NEK1: variants seen among roughly 807,000 people sequenced by gnomAD.
NEK1 encodes the protein serine/threonine-protein kinase Nek1.
Under a neutral mutation model 182.1 loss-of-function variants are expected in NEK1, and 137 were observed. The ratio of observed to expected loss-of-function variants is 0.75; its 90% CI spans 0.65 to 0.87. The LOEUF (loss-of-function observed/expected upper bound fraction) is 0.87, where lower values mean the gene tolerates loss of function less well. Among genes scored for constraint, NEK1 ranks in the 40% least tolerant of loss-of-function variants. NEK1 has a pLI of 0.00. For missense variants in NEK1, 1,391 were observed against 1,494.4 expected, an observed-to-expected ratio of 0.93 and a Z score of 1.14; for synonymous variants, 513 against 492.2, an observed-to-expected ratio of 1.04 and a Z score of -0.56.
chr4:169,467,993 G>C (rs1233287157), intron 26 of NEK1, among the ~76,000 whole-genome samples: 1 of 151,292 alleles, frequency 6.6e-6, no homozygotes, highest in Non-Finnish European at 1.5e-5. Flanking sequence ...AGATTAAGAG[G>C]AAAAAAAAGG....
At chr4:169,587,421 G>T in intron 9 of NEK1, 138 bp downstream of exon 9, 1 of 492,200 alleles carries the variant, frequency 2.0e-6, no homozygotes, top group Non-Finnish European at 3.6e-6. Flanking sequence ...CAGAAAAAAT[G>T]AGAAATTCAA....
rs1443436950 is a variant in NEK1 at position 169,477,416 on chromosome 4, T to A, written c.2205+16A>T. On this transcript the variant is annotated intron_variant, in intron 25 of 35. Coordinates refer to ENST00000507142, the MANE Select transcript of NEK1 (RefSeq NM_001199397.3). Reference sequence around the variant, plus strand: ...ATTAAGTAAAATGATTGATAAACTTTGAAAATTTTACTTACTGAAATAGCA... The same window carrying A: ...ATTAAGTAAAATGATTGATAAACTTAGAAAATTTTACTTACTGAAATAGCA... 6.3e-7 allele frequency: 1 copy of A among 1,593,244 alleles called. No homozygotes were observed. The highest frequency in any genetic ancestry group is 8.6e-7 in the Non-Finnish European group (1 of 1,169,510).
At chr4:169,469,488 T>C (rs1318099634) in intron 26 of NEK1, among the ~76,000 whole-genome samples, 3 of 152,184 alleles carry the variant, frequency 2.0e-5, no homozygotes, top group African/African-American at 4.8e-5. Context: ...GAGAGACCGT[T>C]TGTTATGATT....
chr4:169,514,448 G>A (rs1214527582), intron 19 of NEK1, among the ~76,000 whole-genome samples: 1 of 152,122 alleles, frequency 6.6e-6, no homozygotes, highest in African/African-American at 2.4e-5. Context: ...TATCAAATTG[G>A]TGTTAATTCT....
At chr4:169,540,443 C>G (rs1759218422) in intron 18 of NEK1, among the ~76,000 whole-genome samples, 1 of 152,026 alleles carries the variant, frequency 6.6e-6, no homozygotes, top group Non-Finnish European at 1.5e-5. Context: ...CAAAAATAGT[C>G]CATAACCCAC....
In NEK1 at chr4:169,438,241, T is replaced by TC. The variant is rs1372726010; in HGVS notation, c.2605dup (p.Glu869GlyfsTer19). 1 of 1,548,172 alleles carries TC rather than the reference T, an allele frequency of 6.5e-7. No individual in the cohort carries two copies. The highest frequency in any genetic ancestry group is 1.4e-5 in the African/African-American group (1 of 73,176). On this transcript the variant is annotated frameshift_variant, in exon 28 of 36. Transcript: ENST00000507142. LOFTEE classifies it high-confidence loss of function. ...TCCAGTAATTAAGGGTTTGTACTTT[T>TC]CCCCTTCGGGAGAAATCTCTGTGAA...
intron 23 of NEK1, among the ~76,000 whole-genome samples, chr4:169,497,209 T>A (rs1191219838): frequency 3.3e-5 from 5 of 152,230 alleles, no homozygotes; most frequent in Non-Finnish European, 5.9e-5. Flanking sequence ...TTTATAGTAT[T>A]CTCTGATGGT....
intron 16 of NEK1, among the ~76,000 whole-genome samples, chr4:169,558,448 C>A (rs1011207537): frequency 1.3e-5 from 2 of 152,206 alleles, no homozygotes; most frequent in African/African-American, 2.4e-5. Flanking sequence ...CTCGCACTGT[C>A]AGCAACCACT....
At chr4:169,555,564 C>T in intron 18 of NEK1, 156 bp downstream of exon 18, 1 of 875,348 alleles carries the variant, frequency 1.1e-6, no homozygotes, top group East Asian at 2.6e-5. Context: ...TAATCAAGGG[C>T]CAAATTTGCA....
intron 27 of NEK1, among the ~76,000 whole-genome samples, chr4:169,449,409 C>A (rs1741271319): frequency 6.6e-6 from 1 of 152,174 alleles, no homozygotes; most frequent in Non-Finnish European, 1.5e-5. Flanking sequence ...CCAGTAGGGG[C>A]TGACTGACAC....
At chr4:169,491,136 CAAAAAAAA>C (rs70964208) in intron 23 of NEK1, among the ~76,000 whole-genome samples, 8 of 45,910 alleles carry the variant, frequency 1.7e-4, no homozygotes, top group African/African-American at 7.6e-4. Flanking sequence ...GACTCCATCT[CAAAAAAAA>C]AAAAAAAAAA....
At chr4:169,491,783 A>C (rs554019978) in intron 23 of NEK1, among the ~76,000 whole-genome samples, 1 of 152,332 alleles carries the variant, frequency 6.6e-6, no homozygotes, top group East Asian at 1.9e-4. Context: ...TAAATGTTGA[A>C]ACAGTAAAAA....
At chr4:169,398,618 T>C (rs1209493890) in intron 35 of NEK1, among the ~76,000 whole-genome samples, 1 of 152,218 alleles carries the variant, frequency 6.6e-6, no homozygotes, top group Non-Finnish European at 1.5e-5. Context: ...ACATGAAGTT[T>C]GTATTCTTCA....
rs1235784710 is a variant in NEK1, at chr4:169,475,028, A to AG, written c.2434+2095dup. Reference sequence around the variant, plus strand: ...AATAAAGAACATGGGTCCCTGAGAGAGGGAAAAAACAAAAACAAAAACAAA... The same window carrying AG: ...AATAAAGAACATGGGTCCCTGAGAGAGGGGAAAAAACAAAAACAAAAACAAA... On this transcript the variant is annotated intron_variant, in intron 26 of 35. Transcript: ENST00000507142. Among the ~76,000 whole-genome samples the AG allele has an allele frequency of 2.0e-5, 3 of 152,128 alleles. 1 individual carries two copies. Among genetic ancestry groups the AG allele is most frequent in the South Asian group, 4.1e-4 (2 of 4,832 alleles).
At chr4:169,524,461 CAA>C (rs953408098) in intron 19 of NEK1, among the ~76,000 whole-genome samples, 3 of 50,596 alleles carry the variant, frequency 5.9e-5, no homozygotes, top group Non-Finnish European at 5.0e-5. Context: ...AATTCCATCT[CAA>C]AAAAAAAAAA....
intron 19 of NEK1, among the ~76,000 whole-genome samples, chr4:169,518,500 T>C (rs1194948768): frequency 3.6e-5 from 4 of 110,714 alleles, no homozygotes; most frequent in Non-Finnish European, 5.2e-5. Flanking sequence ...TGTGTCTCTA[T>C]TTCCTTCAGT....
chr4:169,536,404 AAAGAT>A (rs1024280813), intron 19 of NEK1, among the ~76,000 whole-genome samples: 1 of 152,144 alleles, frequency 6.6e-6, no homozygotes, highest in African/African-American at 2.4e-5. Flanking sequence ...TACCAAGGAA[AAAGAT>A]AAGAATGAAT....
At chr4:169,525,081 A>G (rs181065624) in intron 19 of NEK1, among the ~76,000 whole-genome samples, 94 of 152,310 alleles carry the variant, frequency 6.2e-4, no homozygotes, top group African/African-American at 2.2e-3. Flanking sequence ...TAATTTACAC[A>G]CATATTACAC....
intron 5 of NEK1, 79 bp from the exon 6 acceptor site, chr4:169,590,888 T>A: frequency 1.1e-6 from 1 of 897,974 alleles, no homozygotes; most frequent in Non-Finnish European, 1.7e-6. Flanking sequence ...TGAGAGGAAC[T>A]AAATCCTTAA....
Sources: gnomAD v4.1 joint callset for allele counts (sites outside exome capture counted in the v4.1 genomes callset) on GRCh38, gnomAD v4.1.1 for gene constraint, MANE v1.5 for transcripts, NCBI Gene and HGNC (gene_info 2026-07-23, HGNC 2026-07-21) for gene names.